The following BAZ2B variants were observed in gnomAD, a reference collection of about 807,000 sequenced individuals.
The protein encoded by BAZ2B is bromodomain adjacent to zinc finger domain protein 2B.
A neutral mutation model predicts 246.0 loss-of-function variants in BAZ2B; 91 were observed. That is an observed-to-expected ratio of 0.37 (90% CI 0.31 to 0.44). BAZ2B has a LOEUF of 0.44. BAZ2B is among the 20% of genes least tolerant of loss of function. BAZ2B has a pLI of 1.00. For missense variants in BAZ2B, 2,332 were observed against 2,533.7 expected, an observed-to-expected ratio of 0.92 and a Z score of 1.71; for synonymous variants, 855 against 860.0, an observed-to-expected ratio of 0.99 and a Z score of 0.10.
intron 13 of BAZ2B, among the ~76,000 whole-genome samples, chr2:159,426,062 T>C (rs554739741): frequency 1.3e-5 from 2 of 152,336 alleles, no homozygotes; most frequent in South Asian, 4.1e-4. Context: ...AAATTACGAA[T>C]GTTTTCCCCT....
chr2:159,419,533 A>G (rs182091257), intron 13 of BAZ2B, among the ~76,000 whole-genome samples: 47 of 152,300 alleles, frequency 3.1e-4, no homozygotes, highest in Non-Finnish European at 6.0e-4. Context: ...TTATTATACC[A>G]TACACTACAT....
At chr2:159,414,899 T>A (rs2067418590) in intron 13 of BAZ2B, among the ~76,000 whole-genome samples, 1 of 151,952 alleles carries the variant, frequency 6.6e-6, no homozygotes, top group Non-Finnish European at 1.5e-5. Context: ...AAAAAGAAAT[T>A]ATATATTAAA....
intron 3 of BAZ2B, among the ~76,000 whole-genome samples, chr2:159,473,508 C>A (rs2078105665): frequency 6.6e-6 from 1 of 152,090 alleles, no homozygotes; most frequent in Non-Finnish European, 1.5e-5. Context: ...TTTCAAAAAA[C>A]CAGCTCCTGG....
chr2:159,681,901 G>A, the BAZ2B span, among the ~76,000 whole-genome samples: 2 of 151,992 alleles, frequency 1.3e-5, no homozygotes, highest in African/African-American at 2.4e-5. Context: ...CTCCTGCCTG[G>A]GCAACAGAGA....
chr2:159,451,210 T>A (rs2075048996), intron 4 of BAZ2B, among the ~76,000 whole-genome samples: 1 of 152,176 alleles, frequency 6.6e-6, no homozygotes, highest in Non-Finnish European at 1.5e-5. Flanking sequence ...AAATATTTTT[T>A]AAATTATCAT....
chr2:159,603,895 C>A (rs1394757466), intron 1 of BAZ2B, among the ~76,000 whole-genome samples: 2 of 152,212 alleles, frequency 1.3e-5, no homozygotes, highest in Non-Finnish European at 2.9e-5. Flanking sequence ...ATGACACTAA[C>A]CTGCTGTTTC....
chr2:159,622,289 A>AAGGC, the BAZ2B span, among the ~76,000 whole-genome samples: 23,954 of 113,006 alleles, frequency 0.21, 3,312 homozygotes, highest in Non-Finnish European at 0.32. Flanking sequence ...AAAAAGGCAA[A>AAGGC]AACCAAAGTG....
chr2:159,550,780 G>A (rs2088068752), intron 2 of BAZ2B, among the ~76,000 whole-genome samples: 1 of 151,916 alleles, frequency 6.6e-6, no homozygotes, highest in Non-Finnish European at 1.5e-5. Flanking sequence ...ATTGGGAGAG[G>A]TGTATCTCTA....
At chr2:159,380,241 C>T (rs144387199) in intron 25 of BAZ2B, among the ~76,000 whole-genome samples, 1 of 152,264 alleles carries the variant, frequency 6.6e-6, no homozygotes, top group African/African-American at 2.4e-5. Flanking sequence ...GGCTCCTTCT[C>T]CTGCTCTAGG....
At chr2:159,579,294 C>T (rs1004848108) in intron 1 of BAZ2B, among the ~76,000 whole-genome samples, 1 of 152,172 alleles carries the variant, frequency 6.6e-6, no homozygotes, top group Non-Finnish European at 1.5e-5. Context: ...ATACTATAAA[C>T]ACCTCTACGC....
At chr2:159,375,594 G>A (rs1176950458) in intron 25 of BAZ2B, among the ~76,000 whole-genome samples, 1 of 152,204 alleles carries the variant, frequency 6.6e-6, no homozygotes, top group Admixed American at 6.5e-5. Context: ...TCTGGCAATA[G>A]TTGTAAGATG....
rs187792663 is a variant in BAZ2B at position 159,389,218 on chromosome 2, T to G, written c.3216+127A>C. The G allele has an allele frequency of 4.3e-3, 4,252 of 988,348 alleles. 28 individuals are homozygous for G. Among genetic ancestry groups the G allele is most frequent in the Non-Finnish European group, 5.2e-3 (3,700 of 710,546 alleles). The allele number at this position is 988,348 out of a possible 1,614,324, so 61.2% of individuals were successfully genotyped here. ...CTAGGAAAGGCAAATTGACCTAGAG[T>G]TGGAAATTCACTGCTATAGTTAAAA... On this transcript the variant is annotated intron_variant, in intron 21 of 36. Coordinates refer to ENST00000392783, the MANE Select transcript of BAZ2B (RefSeq NM_013450.4).
intron 26 of BAZ2B, among the ~76,000 whole-genome samples, chr2:159,373,421 C>A (rs2061066255): frequency 6.6e-6 from 1 of 152,130 alleles, no homozygotes; most frequent in Non-Finnish European, 1.5e-5. Context: ...GATAAGCTAC[C>A]TGATAAAATA....
intron 13 of BAZ2B, among the ~76,000 whole-genome samples, chr2:159,427,079 C>T (rs1270530050): frequency 6.6e-6 from 1 of 151,990 alleles, no homozygotes; most frequent in African/African-American, 2.4e-5. Flanking sequence ...TAATTATAAT[C>T]GTTTCTATTT....
chr2:159,642,010 CCT>C, the BAZ2B span, among the ~76,000 whole-genome samples: 1 of 151,984 alleles, frequency 6.6e-6, no homozygotes, highest in African/African-American at 2.4e-5. Flanking sequence ...CATTCAACTC[CCT>C]TTTATCTAAT....
At chr2:159,417,233 C>A (rs1222380948) in intron 13 of BAZ2B, among the ~76,000 whole-genome samples, 1 of 146,600 alleles carries the variant, frequency 6.8e-6, no homozygotes, top group Non-Finnish European at 1.5e-5. Context: ...TGTAGTGGTG[C>A]AATCTCAGCT....
intron 27 of BAZ2B, among the ~76,000 whole-genome samples, chr2:159,372,122 C>G (rs528237167): frequency 5.3e-5 from 8 of 152,266 alleles, no homozygotes; most frequent in African/African-American, 1.9e-4. Context: ...ATATGATTAG[C>G]CAGTCTTCTC....
intron 27 of BAZ2B, among the ~76,000 whole-genome samples, chr2:159,353,061 T>C (rs2058725640): frequency 6.6e-6 from 1 of 152,228 alleles, no homozygotes; most frequent in East Asian, 1.9e-4. Flanking sequence ...CAGTATTCCT[T>C]AGAGAACTTT....
chr2:159,649,023 G>A, the BAZ2B span, among the ~76,000 whole-genome samples: 1 of 152,136 alleles, frequency 6.6e-6, no homozygotes, highest in African/African-American at 2.4e-5. Context: ...TCTAATAGGT[G>A]TGTGGTGTTA....
Sources: gnomAD v4.1 joint callset for allele counts (sites outside exome capture counted in the v4.1 genomes callset) on GRCh38, gnomAD v4.1.1 for gene constraint, MANE v1.5 for transcripts, NCBI Gene and HGNC (gene_info 2026-07-23, HGNC 2026-07-21) for gene names.